The following DHX58 variants were observed in gnomAD, a reference collection of about 807,000 sequenced individuals.
DHX58 encodes the protein ATP-dependent RNA helicase DHX58.
A neutral mutation model predicts 65.0 loss-of-function variants in DHX58; 51 were observed. The ratio of observed to expected loss-of-function variants is 0.78; its 90% CI spans 0.63 to 0.99. The LOEUF (loss-of-function observed/expected upper bound fraction) is 0.99. DHX58 is among the 50% of genes least tolerant of loss of function. The pLI is 0.00. For synonymous variants in DHX58, 350 were observed against 365.0 expected, an observed-to-expected ratio of 0.96 and a Z score of 0.47; for missense variants, 773 against 891.8, an observed-to-expected ratio of 0.87 and a Z score of 1.70.
At position 42,101,766 on chromosome 17, in the gene DHX58, C is replaced by G. The variant is rs1211164367; in HGVS notation, c.2032G>C (p.Asp678His). 1 of 1,614,044 alleles carries G rather than the reference C, an allele frequency of 6.2e-7. No homozygotes were observed. The highest frequency in any genetic ancestry group is 2.2e-5 in the East Asian group (1 of 44,882). ...GCACTGCAGCAATGAGGTGGTCAGT[C>G]CAGGGAGAGGTCCGACAAGTTCTCG... ...CAENLSDLSL[D>H] The change falls in exon 14 of 14, where the codon GAC (aspartate) becomes CAC (histidine). Residue 678 changes from aspartate to histidine, a missense_variant. Coordinates refer to ENST00000251642, the MANE Select transcript of DHX58 (RefSeq NM_024119.3).
Position 42,105,992 on chromosome 17 carries a change from G to C in DHX58, c.998-3C>G. 6.2e-7 allele frequency: 1 copy of C among 1,609,574 alleles called. No individual in the cohort carries two copies. The highest frequency in any genetic ancestry group is 2.2e-5 in the East Asian group (1 of 44,818). ...GTGGGCCAGCTCATTCTTGCGGTCTGTCAAAAACCCCAAAATTTAGCTGGG... is the reference window on the plus strand; with the variant it reads ...GTGGGCCAGCTCATTCTTGCGGTCTCTCAAAAACCCCAAAATTTAGCTGGG... On this transcript the variant is annotated splice_polypyrimidine_tract_variant and splice_region_variant and intron_variant, in intron 8 of 13. Transcript: ENST00000251642.
At position 42,107,994 on chromosome 17, in the gene DHX58, G is replaced by T. The variant is rs782690330; in HGVS notation, c.793C>A (p.Leu265Met). The change falls in exon 7 of 14, where the codon CTG becomes ATG. Residue 265 changes from leucine to methionine, a missense_variant. Transcript: ENST00000251642. ...TQMYEQQVVKLSEAAALAGLQ... is the reference protein window; with the variant it reads ...TQMYEQQVVKMSEAAALAGLQ... ...CTGCCCCTCTCACCAGCCTCACTCA[G>T]CTTCACCACCTGCTGCTCATACATT... 1 of 1,614,192 alleles carries T rather than the reference G, an allele frequency of 6.2e-7. No homozygotes were observed. Among genetic ancestry groups the T allele is most frequent in the South Asian group, 1.1e-5 (1 of 91,086 alleles).
chr17:42,104,853 C>G lies in DHX58; in HGVS notation c.1476G>C (p.Arg492=), dbSNP rs560974642. The G allele has an allele frequency of 1.4e-5, 22 of 1,614,178 alleles. No individual in the cohort carries two copies. In the East Asian group the frequency reaches 4.7e-4, roughly 34 times the overall value. ...VATEGSRELK[R]ELINEALETL... is the part of the protein sequence containing the mutation. ...TCTCCAGCGCCTCGTTGATCAGCTC[C>G]CGCTTCAGCTCCCGGCTACCTTCAG... The change falls in exon 11 of 14, where the codon CGG becomes CGC. Residue 492 remains arginine, a synonymous_variant. Transcript: ENST00000251642.
chr17:42,103,331 G>A, intron 12 of DHX58: 1 of 473,034 alleles, frequency 2.1e-6, no homozygotes, highest in East Asian at 4.3e-5. Context: ...AGGACCAGAG[G>A]GTCAATGTGT....
Position 42,107,585 on chromosome 17 carries a change from G to GCCCC in DHX58, c.997+15_997+18dup. On this transcript the variant is annotated intron_variant, in intron 8 of 13. Coordinates refer to ENST00000251642, the MANE Select transcript of DHX58 (RefSeq NM_024119.3). ...AGGTCCCATCATCCCCGGCCCCGAA[G>GCCCC]CCCCCTCCCGCCCCTCACCATCGAA... is the stretch of plus-strand genomic sequence containing the variant. 1.5e-5 allele frequency: 18 copies of GCCCC among 1,193,334 alleles called. No homozygotes were observed. Among genetic ancestry groups the GCCCC allele is most frequent in the Non-Finnish European group, 1.9e-5 (16 of 854,224 alleles). The allele number at this position is 1,193,334 out of a possible 1,614,324, so 73.9% of individuals were successfully genotyped here.
At position 42,104,906 on chromosome 17, in the gene DHX58, C is replaced by T. The variant is rs151154572; in HGVS notation, c.1423G>A (p.Asp475Asn). ...MVQARGRARA[D>N]QSVYAFVATE... is the part of the protein sequence containing the mutation. ...GCTACAAACGCGTATACACTCTGAT[C>T]GGCCCGGGCACGGCCCCTGGCCTGG... Residue 475 changes from aspartate (D) to asparagine (N), a missense_variant, in exon 11 of 14, where the codon GAT (aspartate) becomes AAT (asparagine). Transcript: ENST00000251642. 7.0e-4 allele frequency: 1,136 copies of T among 1,614,106 alleles called. 22 individuals are homozygous for T. In the South Asian group the frequency reaches 0.011, roughly 16 times the overall value.
At chr17:42,107,364 T>C (rs1264555757) in intron 8 of DHX58, among the ~76,000 whole-genome samples, 3 of 118,606 alleles carry the variant, frequency 2.5e-5, no homozygotes, top group African/African-American at 1.9e-4. Context: ...AGACCCCGAC[T>C]ATTAAAAAAA....
chr17:42,111,358 G>A lies in DHX58; in HGVS notation c.308C>T (p.Thr103Ile), dbSNP rs1555664162. 1.2e-6 allele frequency: 2 copies of A among 1,614,176 alleles called. No homozygotes were observed. The highest frequency in any genetic ancestry group is 1.7e-6 in the Non-Finnish European group (2 of 1,180,014). ...LARCHDLLIC[T>I]AELLQMALTS... is the part of the protein sequence containing the mutation. Reference sequence around the variant, plus strand: ...CAGTGCCATCTGCAGAAGCTCTGCTGTGCAGATGAGCAGGTCATGGCACCG... The same window carrying A: ...CAGTGCCATCTGCAGAAGCTCTGCTATGCAGATGAGCAGGTCATGGCACCG... The change falls in exon 4 of 14, where the codon ACA becomes ATA. Residue 103 changes from threonine (T) to isoleucine (I), a missense_variant. Transcript: ENST00000251642.
chr17:42,104,801 C>T lies in DHX58; in HGVS notation c.1528G>A (p.Val510Met), dbSNP rs1218124773. ...ETLMEQAVAA[V>M]QKMDQAEYQA... ...TACTCGGCCTGGTCCATTTTCTGCACAGCAGCCACTGCCTGCTCCATCAGC... is the reference window on the plus strand; with the variant it reads ...TACTCGGCCTGGTCCATTTTCTGCATAGCAGCCACTGCCTGCTCCATCAGC... The change falls in exon 11 of 14, where the codon GTG (valine) becomes ATG (methionine). Residue 510 changes from valine to methionine, a missense_variant. Transcript: ENST00000251642. 1.2e-6 allele frequency: 2 copies of T among 1,613,950 alleles called. No individual in the cohort carries two copies. The highest frequency in any genetic ancestry group is 2.7e-5 in the African/African-American group (2 of 74,938).
At position 42,105,062 on chromosome 17, in the gene DHX58, C is replaced by G; in HGVS notation, c.1357G>C (p.Val453Leu). 1 of 1,613,874 alleles carries G rather than the reference C, an allele frequency of 6.2e-7. No individual in the cohort carries two copies. The highest frequency in any genetic ancestry group is 8.5e-7 in the Non-Finnish European group (1 of 1,179,996). Reference protein sequence around the residue: ...EGLDIPHCNVVVRYGLLTNEI... With the variant: ...EGLDIPHCNVLVRYGLLTNEI... ...TTGGTCAAGAGCCCATAACGCACCA[C>G]CACATTGCAATGTGGGATGTCCAGC... Residue 453 changes from valine (V) to leucine (L), a missense_variant, in exon 10 of 14, where the codon GTG (valine) becomes CTG (leucine). Physicochemically the swap from Val to Leu is conservative, Grantham distance 32. Transcript: ENST00000251642.
chr17:42,111,747 T>TG lies in DHX58; in HGVS notation c.145_146insC (p.Lys49ThrfsTer17). On this transcript the variant is annotated frameshift_variant, in exon 3 of 14. Coordinates refer to ENST00000251642, the MANE Select transcript of DHX58 (RefSeq NM_024119.3). LOFTEE classifies it high-confidence loss of function. ...CACCCTGTTGACCAATACAACCACC[T>TG]TGGCTCCATCCACAGTCTCTAGGTG... The TG allele has an allele frequency of 6.2e-7, 1 of 1,613,402 alleles. No homozygotes were observed. Among genetic ancestry groups the TG allele is most frequent in the Non-Finnish European group, 8.5e-7 (1 of 1,179,510 alleles).
chr17:42,110,031 C>CA (rs1192654128), intron 5 of DHX58, among the ~76,000 whole-genome samples: 4 of 151,092 alleles, frequency 2.6e-5, no homozygotes, highest in Admixed American at 2.0e-4. Context: ...ACTAAAAATA[C>CA]AAAAAATTAG....
In DHX58 at chr17:42,101,778, C is replaced by T; in HGVS notation, c.2020G>A (p.Asp674Asn). ...TGAGGTGGTCAGTCCAGGGAGAGGT[C>T]CGACAAGTTCTCGGCACAATGCTGC... ...FLQHCAENLS[D>N]LSLD Residue 674 changes from aspartate (D) to asparagine (N), a missense_variant, in exon 14 of 14, where the codon GAC (aspartate) becomes AAC (asparagine). Transcript: ENST00000251642. 2.5e-6 allele frequency: 4 copies of T among 1,614,164 alleles called. No individual in the cohort carries two copies. Among genetic ancestry groups the T allele is most frequent in the East Asian group, 2.2e-5 (1 of 44,886 alleles).
chr17:42,108,541 G>A (rs556885518), intron 6 of DHX58, among the ~76,000 whole-genome samples: 33 of 152,056 alleles, frequency 2.2e-4, no homozygotes, highest in Non-Finnish European at 4.6e-4. Context: ...GGCAGGGCAC[G>A]CTTGCTCGCC....
Position 42,101,779 on chromosome 17 carries a change from C to G in DHX58, c.2019G>C (p.Ser673=), listed in dbSNP as rs782605235. Residue 673 remains serine, a synonymous_variant, in exon 14 of 14, where the codon TCG becomes TCC. Transcript: ENST00000251642. ...GAGGTGGTCAGTCCAGGGAGAGGTC[C>G]GACAAGTTCTCGGCACAATGCTGCA... ...DFLQHCAENL[S]DLSLD The G allele has an allele frequency of 1.2e-6, 2 of 1,614,150 alleles. No homozygotes were observed. Among genetic ancestry groups the G allele is most frequent in the Admixed American group, 1.7e-5 (1 of 60,022 alleles).
chr17:42,111,747 T>C lies in DHX58; in HGVS notation c.146A>G (p.Lys49Arg). 6.2e-7 allele frequency: 1 copy of C among 1,613,402 alleles called. No homozygotes were observed. The highest frequency in any genetic ancestry group is 8.5e-7 in the Non-Finnish European group (1 of 1,179,510). ...KRHLETVDGA[K>R]VVVLVNRVHL... ...CACCCTGTTGACCAATACAACCACC[T>C]TGGCTCCATCCACAGTCTCTAGGTG... The change falls in exon 3 of 14, where the codon AAG becomes AGG. Residue 49 changes from lysine (K) to arginine (R), a missense_variant. By Grantham distance (26) the Lys-to-Arg change is conservative. Coordinates refer to ENST00000251642, the MANE Select transcript of DHX58 (RefSeq NM_024119.3).
chr17:42,109,204 G>A, intron 6 of DHX58, 66 bp downstream of exon 6: 1 of 1,398,980 alleles, frequency 7.1e-7, no homozygotes, highest in Non-Finnish European at 9.8e-7. Flanking sequence ...CAGAGTCAGG[G>A]CCCAAGCCTA....
intron 4 of DHX58, among the ~76,000 whole-genome samples, 178 bp from the exon 5 acceptor site, chr17:42,111,091 G>A (rs976114983): frequency 7.2e-5 from 11 of 152,266 alleles, no homozygotes; most frequent in Middle Eastern, 3.4e-3. Flanking sequence ...TTAGTAAACC[G>A]AGGCTCAGCT....
In DHX58 at chr17:42,111,909, G is replaced by A. The variant is rs1555664454; in HGVS notation, c.-1-16C>T. ...AAGCTCCATTCTGGGAATGGCAGGGGACTCAGACCCACCGACTCCTCCACC... is the reference window on the plus strand; with the variant it reads ...AAGCTCCATTCTGGGAATGGCAGGGAACTCAGACCCACCGACTCCTCCACC... On this transcript the variant is annotated splice_polypyrimidine_tract_variant and intron_variant, in intron 2 of 13. Transcript: ENST00000251642. 1.9e-6 allele frequency: 3 copies of A among 1,595,380 alleles called. No individual in the cohort carries two copies. The highest frequency in any genetic ancestry group is 2.6e-6 in the Non-Finnish European group (3 of 1,168,296).
Sources: allele counts gnomAD v4.1 joint callset (sites outside exome capture counted in the v4.1 genomes callset), GRCh38; gene constraint gnomAD v4.1.1; transcripts MANE v1.5; gene names NCBI Gene and HGNC (gene_info 2026-07-23, HGNC 2026-07-21).